The following INPP4B variants were observed in gnomAD, a reference collection of about 807,000 sequenced individuals.
The protein encoded by INPP4B is inositol polyphosphate-4-phosphatase type II B.
Under a neutral mutation model 122.5 loss-of-function variants are expected in INPP4B, and 55 were observed. The observed-to-expected ratio is 0.45, with a 90% CI of 0.36 to 0.56. The LOEUF is 0.56. Ranked by LOEUF, INPP4B falls within the 20% of genes least tolerant of loss-of-function variation. The pLI is 0.00. For missense variants in INPP4B, 1,000 were observed against 1,097.7 expected, an observed-to-expected ratio of 0.91 and a Z score of 1.26; for synonymous variants, 403 against 388.7, an observed-to-expected ratio of 1.04 and a Z score of -0.43.
chr4:142,359,309 C>T (rs1784655342), intron 7 of INPP4B, among the ~76,000 whole-genome samples: 1 of 151,844 alleles, frequency 6.6e-6, no homozygotes, highest in Admixed American at 6.6e-5. Context: ...TTGGGCAATG[C>T]AATTAATCTA....
chr4:142,059,358 T>A (rs943038263), intron 25 of INPP4B, among the ~76,000 whole-genome samples: 2 of 152,238 alleles, frequency 1.3e-5, no homozygotes, highest in Admixed American at 1.3e-4. Flanking sequence ...ACTTGCCTAA[T>A]CACTCCCTTA....
chr4:142,621,716 T>G (rs189908674), intron 2 of INPP4B, among the ~76,000 whole-genome samples: 3 of 151,858 alleles, frequency 2.0e-5, no homozygotes, highest in Admixed American at 1.3e-4. Flanking sequence ...GGATTAAATA[T>G]GATGTAATCA....
chr4:142,180,390 T>C (rs1561397492), intron 15 of INPP4B, among the ~76,000 whole-genome samples: 1 of 152,182 alleles, frequency 6.6e-6, no homozygotes, highest in Non-Finnish European at 1.5e-5. Flanking sequence ...GACAATACTT[T>C]AAGAGAGTGC....
intron 2 of INPP4B, among the ~76,000 whole-genome samples, chr4:142,579,332 T>C (rs908602802): frequency 3.2e-4 from 48 of 151,974 alleles, no homozygotes; most frequent in South Asian, 1.0e-3. Flanking sequence ...GTTAGAAATA[T>C]CTCATTCAAA....
rs1306919133 is a variant in INPP4B at position 142,208,423 on chromosome 4, A to G, written c.1072+2T>C. The G allele has an allele frequency of 6.7e-7, 1 of 1,492,456 alleles. No homozygotes were observed. Among genetic ancestry groups the G allele is most frequent in the African/African-American group, 1.4e-5 (1 of 71,292 alleles). 92.5% of individuals were successfully genotyped at this position (1,492,456 alleles called of 1,614,324 possible). A position where few individuals can be genotyped will look rare whatever the true frequency, so the allele number is the denominator to read the frequency against. ...TATTTTTAAAAGAATAATTTATGAT[A>G]CCTTTCAAGTGAGGGCTGTGTACCT... On this transcript the variant is annotated splice_donor_variant, in intron 14 of 25. Coordinates refer to ENST00000262992, the MANE Select transcript of INPP4B (RefSeq NM_001101669.3). LOFTEE classifies it high-confidence loss of function.
At chr4:142,812,925 C>A (rs747204747) in intron 1 of INPP4B, among the ~76,000 whole-genome samples, 8 of 151,998 alleles carry the variant, frequency 5.3e-5, no homozygotes, top group Non-Finnish European at 1.2e-4. Context: ...CCTTTAGATG[C>A]CAAAAAATAA....
At chr4:142,033,486 A>T (rs112825612) in intron 25 of INPP4B, among the ~76,000 whole-genome samples, 383 of 152,236 alleles carry the variant, frequency 2.5e-3, no homozygotes, top group African/African-American at 8.6e-3. Flanking sequence ...TCAGTTCATC[A>T]GGGTCTGTAA....
chr4:142,651,678 T>C (rs1443686327), intron 2 of INPP4B, among the ~76,000 whole-genome samples: 3 of 151,986 alleles, frequency 2.0e-5, no homozygotes, highest in South Asian at 2.1e-4. Flanking sequence ...CAGGAAGAAA[T>C]CGAATCTCTG....
At chr4:142,780,331 T>C (rs999574171) in intron 1 of INPP4B, among the ~76,000 whole-genome samples, 4 of 151,814 alleles carry the variant, frequency 2.6e-5, no homozygotes, top group Non-Finnish European at 4.4e-5. Context: ...TCAGAGGAAA[T>C]TGAAAAAAGG....
At chr4:142,654,790 G>A (rs757020734) in intron 2 of INPP4B, 1 of 152,176 alleles carries the variant, frequency 6.6e-6, no homozygotes, top group Non-Finnish European at 1.5e-5. Context: ...GGATATTTGA[G>A]AACTGTGTTC....
At chr4:142,035,925 T>A (rs1452399643) in intron 25 of INPP4B, among the ~76,000 whole-genome samples, 1 of 151,994 alleles carries the variant, frequency 6.6e-6, no homozygotes, top group Non-Finnish European at 1.5e-5. Flanking sequence ...ATATAGTTCT[T>A]TTTTTTAAAA....
chr4:142,323,539 G>A (rs993683769), intron 7 of INPP4B, among the ~76,000 whole-genome samples: 6 of 147,864 alleles, frequency 4.1e-5, no homozygotes, highest in African/African-American at 1.3e-4. Context: ...TCTGCCTCTC[G>A]GTTTCACACC....
intron 2 of INPP4B, among the ~76,000 whole-genome samples, chr4:142,665,810 G>A (rs1755946237): frequency 6.6e-6 from 1 of 152,074 alleles, no homozygotes; most frequent in Non-Finnish European, 1.5e-5. Context: ...ATAAGTATGT[G>A]TGTGTACAGT....
chr4:142,142,146 T>C (rs145821119), intron 18 of INPP4B, among the ~76,000 whole-genome samples: 31 of 152,228 alleles, frequency 2.0e-4, no homozygotes, highest in African/African-American at 6.3e-4. Flanking sequence ...GCCTAATCAA[T>C]TCACTAATTA....
chr4:142,191,632 T>C (rs1835879242), intron 15 of INPP4B, among the ~76,000 whole-genome samples: 1 of 152,162 alleles, frequency 6.6e-6, no homozygotes, highest in South Asian at 2.1e-4. Context: ...CCACTCCCCA[T>C]TGCAATAATA....
At chr4:142,780,804 GA>G (rs202010362) in intron 1 of INPP4B, among the ~76,000 whole-genome samples, 3 of 151,344 alleles carry the variant, frequency 2.0e-5, no homozygotes, top group Non-Finnish European at 2.9e-5. Flanking sequence ...TCTCGAAACA[GA>G]AAAAAAAGAG....
intron 15 of INPP4B, among the ~76,000 whole-genome samples, chr4:142,175,437 A>G (rs1561380934): frequency 6.6e-6 from 1 of 152,148 alleles, no homozygotes; most frequent in Non-Finnish European, 1.5e-5. Context: ...ATTAAAAGAA[A>G]TGCACTTTGA....
At chr4:142,234,639 T>C (rs1234684276) in intron 12 of INPP4B, among the ~76,000 whole-genome samples, 2 of 152,226 alleles carry the variant, frequency 1.3e-5, no homozygotes, top group Non-Finnish European at 2.9e-5. Context: ...GAAAAGGTAT[T>C]GGAGAAAGCC....
intron 15 of INPP4B, among the ~76,000 whole-genome samples, chr4:142,183,941 C>T (rs748595303): frequency 9.9e-5 from 15 of 151,830 alleles, no homozygotes; most frequent in Middle Eastern, 3.2e-3. Flanking sequence ...TAGGTGTACA[C>T]ATGTAGCCAC....
Sources: allele counts gnomAD v4.1 joint callset (sites outside exome capture counted in the v4.1 genomes callset), GRCh38; gene constraint gnomAD v4.1.1; transcripts MANE v1.5; gene names NCBI Gene and HGNC (gene_info 2026-07-23, HGNC 2026-07-21).